Variants in DOCK4 observed in about 807,000 individuals in gnomAD.
The protein encoded by DOCK4 is dedicator of cytokinesis protein 4.
A neutral mutation model predicts 268.1 loss-of-function variants in DOCK4; 97 were observed. The ratio of observed to expected loss-of-function variants is 0.36; its 90% CI spans 0.31 to 0.43. DOCK4 has a LOEUF of 0.43. DOCK4 is among the 20% of genes least tolerant of loss of function. The pLI, the probability that DOCK4 is intolerant of heterozygous loss-of-function variation, is 1.00. For missense variants in DOCK4, 2,145 were observed against 2,455.7 expected (o/e 0.87, Z 2.67); for synonymous variants, 954 against 887.2 (o/e 1.08, Z -1.34).
At chr7:111,738,735 C>T (rs753497857) in intron 49 of DOCK4, among the ~76,000 whole-genome samples, 3 of 152,236 alleles carry the variant, frequency 2.0e-5, no homozygotes, top group South Asian at 2.1e-4. Context: ...GTCAGGAGTT[C>T]GAGACCAGCC....
At chr7:111,858,452 G>T (rs910703357) in intron 23 of DOCK4, among the ~76,000 whole-genome samples, 3 of 152,176 alleles carry the variant, frequency 2.0e-5, no homozygotes, top group African/African-American at 7.2e-5. Flanking sequence ...GCTAGACAGA[G>T]TTAAGTAAAC....
chr7:112,147,795 ATTTTTTTTTTT>A (rs553280609), intron 1 of DOCK4, among the ~76,000 whole-genome samples: 8 of 102,860 alleles, frequency 7.8e-5, no homozygotes, highest in Admixed American at 3.3e-4. Context: ...GCAAACGTAG[ATTTTTTTTTTT>A]TTTTTTTTTT....
chr7:111,940,221 T>C lies in DOCK4; in HGVS notation c.866A>G (p.Lys289Arg). Reference sequence around the variant, plus strand: ...GTACTGGACACTACAGGCATTCTTTTTTTCTCCTGCTCCCATTCGACCTGT... The same window carrying C: ...GTACTGGACACTACAGGCATTCTTTCTTTCTCCTGCTCCCATTCGACCTGT... ...IRIGRMGAGE[K>R]KNACSVQYRR... Residue 289 changes from lysine to arginine, a missense_variant, in exon 11 of 53, where the codon AAA becomes AGA. Physicochemically the swap from Lys to Arg is conservative, Grantham distance 26 (BLOSUM62 2). This residue lies in a region of DOCK4 where 1,598 missense variants were observed against 1,986.7 expected (regional missense o/e 0.80). Coordinates refer to ENST00000428084, the MANE Select transcript of DOCK4 (RefSeq NM_001363540.2). 1 of 1,614,048 alleles carries C rather than the reference T, an allele frequency of 6.2e-7. No individual in the cohort carries two copies. The highest frequency in any genetic ancestry group is 2.2e-5 in the East Asian group (1 of 44,882).
At chr7:111,841,374 C>T (rs1384564117) in intron 25 of DOCK4, among the ~76,000 whole-genome samples, 1 of 152,036 alleles carries the variant, frequency 6.6e-6, no homozygotes, top group East Asian at 1.9e-4. Flanking sequence ...GTTGGCCAGG[C>T]TGGTCTCAAA....
At chr7:111,740,087 C>T in intron 47 of DOCK4, 1 of 444,152 alleles carries the variant, frequency 2.3e-6, no homozygotes, top group Non-Finnish European at 4.5e-6. Context: ...AAAACAGACC[C>T]TCAAATCATG....
At chr7:112,084,870 C>CCA (rs757298748) in intron 1 of DOCK4, among the ~76,000 whole-genome samples, 1 of 151,966 alleles carries the variant, frequency 6.6e-6, no homozygotes, top group Non-Finnish European at 1.5e-5. Context: ...TTCAAGTTAA[C>CCA]CACACAACTA....
At chr7:112,065,288 C>T (rs1318480678) in intron 1 of DOCK4, among the ~76,000 whole-genome samples, 1 of 151,992 alleles carries the variant, frequency 6.6e-6, no homozygotes, top group Non-Finnish European at 1.5e-5. Flanking sequence ...CATTTCTCAG[C>T]TGGAAGCCTC....
chr7:112,192,063 T>TTG (rs60657572), intron 1 of DOCK4, among the ~76,000 whole-genome samples: 9 of 149,076 alleles, frequency 6.0e-5, no homozygotes, highest in Admixed American at 2.7e-4. Context: ...GTGTTTGTGC[T>TTG]TGTGTGTGTG....
At chr7:112,179,981 G>GCA (rs1048483384) in intron 1 of DOCK4, among the ~76,000 whole-genome samples, 1 of 152,086 alleles carries the variant, frequency 6.6e-6, no homozygotes, top group Non-Finnish European at 1.5e-5. Context: ...GGGGGTGGGT[G>GCA]CACACACAGC....
In DOCK4 at chr7:112,078,727, T is replaced by A. The variant is rs371540175; in HGVS notation, c.38-74596A>T. ...GCAGAGGCATAGGAACGTCTGGAGA[T>A]GAGAAACAGGAGGGAGCTCACTCAC... On this transcript the variant is annotated intron_variant, in intron 1 of 52. Transcript: ENST00000428084. 5.3e-5 allele frequency among the ~76,000 whole-genome samples: 8 copies of A among 152,286 alleles called. No individual in the cohort carries two copies. The East Asian group carries it at 1.4e-3, about 26-fold the overall frequency.
At chr7:111,784,968 T>C (rs1292970162) in intron 32 of DOCK4, among the ~76,000 whole-genome samples, 1 of 152,196 alleles carries the variant, frequency 6.6e-6, no homozygotes, top group African/African-American at 2.4e-5. Flanking sequence ...AGTTCAAAAA[T>C]AAACATTCAA....
chr7:111,921,279 C>T (rs1345075105), intron 12 of DOCK4, among the ~76,000 whole-genome samples: 2 of 152,170 alleles, frequency 1.3e-5, no homozygotes, highest in African/African-American at 4.8e-5. Context: ...TGATTAAGTT[C>T]AGCTTACGGA....
At chr7:112,062,459 T>G (rs889489510) in intron 1 of DOCK4, among the ~76,000 whole-genome samples, 7 of 152,158 alleles carry the variant, frequency 4.6e-5, no homozygotes, top group Admixed American at 3.3e-4. Flanking sequence ...GCTGTCAATG[T>G]TTTTATATTT....
chr7:111,750,482 G>C (rs1796557090), intron 42 of DOCK4, among the ~76,000 whole-genome samples: 1 of 152,140 alleles, frequency 6.6e-6, no homozygotes, highest in African/African-American at 2.4e-5. Context: ...AAAATGGAAT[G>C]TTTCATAATC....
At chr7:112,198,420 C>T (rs995827544) in intron 1 of DOCK4, among the ~76,000 whole-genome samples, 5 of 152,150 alleles carry the variant, frequency 3.3e-5, no homozygotes, top group Non-Finnish European at 7.4e-5. Context: ...TTATAGTATC[C>T]TGAGCTAAGA....
chr7:111,880,727 C>T (rs1807308908), intron 16 of DOCK4, among the ~76,000 whole-genome samples: 1 of 152,128 alleles, frequency 6.6e-6, no homozygotes, highest in Non-Finnish European at 1.5e-5. Flanking sequence ...AAAGCAGACA[C>T]AAAGACCAAT....
At chr7:111,775,176 TCTGA>T (rs771930815) in intron 36 of DOCK4, among the ~76,000 whole-genome samples, 8 of 152,226 alleles carry the variant, frequency 5.3e-5, no homozygotes, top group Non-Finnish European at 1.0e-4. Flanking sequence ...ATCAGGGTCT[TCTGA>T]CTGAGTAAAT....
intron 16 of DOCK4, among the ~76,000 whole-genome samples, chr7:111,893,989 T>C (rs893073244): frequency 4.6e-5 from 7 of 152,294 alleles, no homozygotes; most frequent in South Asian, 2.1e-4. Context: ...TTTGGGAGGC[T>C]GAGGTGGGCG....
intron 12 of DOCK4, among the ~76,000 whole-genome samples, chr7:111,925,157 T>C (rs913840829): frequency 1.3e-5 from 2 of 152,230 alleles, no homozygotes; most frequent in Non-Finnish European, 1.5e-5. Context: ...TTTACAAAAT[T>C]AATCATCTAA....
Sources: allele counts gnomAD v4.1 joint callset (sites outside exome capture counted in the v4.1 genomes callset), GRCh38; gene constraint gnomAD v4.1.1; regional missense constraint gnomAD v4.1.1; transcripts MANE v1.5; gene names NCBI Gene and HGNC (gene_info 2026-07-23, HGNC 2026-07-21).